Variants in BTAF1 observed in about 807,000 individuals in gnomAD.
BTAF1 encodes B-TFIID TATA-box binding protein associated factor 1, also known as TATA-binding protein-associated factor 172.
A neutral mutation model predicts 227.1 loss-of-function variants in BTAF1; 38 were observed. The observed-to-expected ratio is 0.17, with a 90% CI of 0.13 to 0.22. BTAF1 has a LOEUF of 0.22. Ranked by LOEUF, BTAF1 falls within the 10% of genes least tolerant of loss-of-function variation. The pLI, the probability that BTAF1 is intolerant of heterozygous loss-of-function variation, is 1.00. For missense variants in BTAF1, 1,598 were observed against 2,204.0 expected, an observed-to-expected ratio of 0.73 and a Z score of 5.51; for synonymous variants, 742 against 751.9, an observed-to-expected ratio of 0.99 and a Z score of 0.21.
intron 20 of BTAF1, among the ~76,000 whole-genome samples, chr10:91,990,023 G>A (rs1420796627): frequency 6.6e-6 from 1 of 152,200 alleles, no homozygotes; most frequent in Non-Finnish European, 1.5e-5. Flanking sequence ...TGTTTTATGA[G>A]ATTAGTGAAC....
chr10:91,970,105 A>G (rs1462017356), intron 14 of BTAF1, among the ~76,000 whole-genome samples: 2 of 142,996 alleles, frequency 1.4e-5, no homozygotes. Context: ...TTTCCTTTTG[A>G]ATTTGCCCTT....
At chr10:92,011,241 G>C in intron 29 of BTAF1, 45 bp from the exon 30 acceptor site, 1 of 1,500,890 alleles carries the variant, frequency 6.7e-7, no homozygotes. Flanking sequence ...TATAGTTCCT[G>C]ACATACAGCA....
chr10:92,026,341 AC>A (rs1473127562), intron 35 of BTAF1, among the ~76,000 whole-genome samples: 1 of 152,160 alleles, frequency 6.6e-6, no homozygotes. Flanking sequence ...GTTAGTCCTT[AC>A]CTGATGTTAC....
In BTAF1 at chr10:91,957,182, A is replaced by G. The variant is rs761661320; in HGVS notation, c.832-43A>G. ...AAGTTACTTAAATTGTTAGCATAAA[A>G]TAGACCTTTTGAACTAGTAGTAATT... On this transcript the variant is annotated intron_variant, in intron 7 of 37. Coordinates refer to ENST00000265990, the MANE Select transcript of BTAF1 (RefSeq NM_003972.3). 6.7e-6 allele frequency: 10 copies of G among 1,492,820 alleles called. No individual in the cohort carries two copies. In the Admixed American group the frequency reaches 1.3e-4, roughly 20 times the overall value. 92.5% of individuals were successfully genotyped at this position (1,492,820 alleles called of 1,614,324 possible). A position where few individuals can be genotyped will look rare whatever the true frequency, so the allele number is the denominator to read the frequency against.
chr10:91,933,595 C>T (rs561489134), intron 1 of BTAF1, among the ~76,000 whole-genome samples: 6 of 152,020 alleles, frequency 3.9e-5, no homozygotes, highest in Non-Finnish European at 7.4e-5. Context: ...GCTTGCTGGT[C>T]GCAGCTGTCA....
At chr10:91,998,473 G>A (rs1052312401) in intron 25 of BTAF1, among the ~76,000 whole-genome samples, 2 of 152,090 alleles carry the variant, frequency 1.3e-5, no homozygotes, top group African/African-American at 4.8e-5. Flanking sequence ...GGTCTCTGTG[G>A]GAGTATGAAA....
rs191414009 is a variant in BTAF1, at chr10:91,993,873, G to A, written c.3199+26G>A. ...GTATACACATATTTTTATGAGTCCAGTTTTTAACAAATTTTAATGTCTATT... is the reference window on the plus strand; with the variant it reads ...GTATACACATATTTTTATGAGTCCAATTTTTAACAAATTTTAATGTCTATT... On this transcript the variant is annotated intron_variant, in intron 22 of 37. Coordinates refer to ENST00000265990, the MANE Select transcript of BTAF1 (RefSeq NM_003972.3). 8.9e-4 allele frequency: 1,362 copies of A among 1,523,096 alleles called. 12 individuals carry two copies. The African/African-American group carries it at 0.016, about 18-fold the overall frequency. 94.3% of individuals were successfully genotyped at this position (1,523,096 alleles called of 1,614,324 possible). A position where few individuals can be genotyped will look rare whatever the true frequency, so the allele number is the denominator to read the frequency against.
rs148602295 is a variant in BTAF1, at chr10:91,983,045, G to A, written c.2223+284G>A. ...TTAAGAAATATCCCTATTAAAAACCGCGTATATGTGAAAGTAGTCCAGAAA... is the reference window on the plus strand; with the variant it reads ...TTAAGAAATATCCCTATTAAAAACCACGTATATGTGAAAGTAGTCCAGAAA... On this transcript the variant is annotated intron_variant, in intron 18 of 37. Coordinates refer to ENST00000265990, the MANE Select transcript of BTAF1 (RefSeq NM_003972.3). Among the ~76,000 whole-genome samples the A allele has an allele frequency of 7.3e-3, 1,115 of 152,170 alleles. 14 individuals are homozygous for A. Among genetic ancestry groups the A allele is most frequent in the African/African-American group, 0.025 (1,034 of 41,508 alleles).
chr10:91,958,644 G>T (rs202004343), intron 8 of BTAF1, among the ~76,000 whole-genome samples: 1 of 151,978 alleles, frequency 6.6e-6, no homozygotes, highest in Admixed American at 6.5e-5. Flanking sequence ...CGGAGGTTGC[G>T]GTGAGCCAAG....
intron 4 of BTAF1, among the ~76,000 whole-genome samples, 193 bp from the exon 5 acceptor site, chr10:91,951,210 T>A (rs1845745054): frequency 6.6e-6 from 1 of 152,188 alleles, no homozygotes; most frequent in South Asian, 2.1e-4. Context: ...CCCAGAATGT[T>A]TTGTTAACTA....
At chr10:91,942,161 G>T (rs1845047657) in intron 3 of BTAF1, among the ~76,000 whole-genome samples, 1 of 152,090 alleles carries the variant, frequency 6.6e-6, no homozygotes, top group Admixed American at 6.5e-5. Flanking sequence ...GTGTGCACCT[G>T]TAGTCCTAGC....
rs1480511049 is a variant in BTAF1 at position 92,029,686 on chromosome 10, A to G, written c.*753A>G. ...TACTCAATAGGTTTCAATCATATAT[A>G]TAATATATTTTTTGTAACTATGAAC... On this transcript the variant is annotated 3_prime_UTR_variant, in exon 38 of 38. Transcript: ENST00000265990. 5.9e-5 allele frequency: 9 copies of G among 151,964 alleles called. No homozygotes were observed. Among genetic ancestry groups the G allele is most frequent in the Non-Finnish European group, 1.3e-4 (9 of 67,916 alleles). 9.4% of individuals were successfully genotyped at this position (151,964 alleles called of 1,614,324 possible). A position where few individuals can be genotyped will look rare whatever the true frequency, so the allele number is the denominator to read the frequency against.
chr10:91,930,074 A>T (rs1844170919), intron 1 of BTAF1, among the ~76,000 whole-genome samples: 3 of 152,194 alleles, frequency 2.0e-5, no homozygotes. Context: ...AAAATTTTTT[A>T]ATTGTGACAC....
At chr10:91,965,463 C>A (rs867451067) in intron 13 of BTAF1, among the ~76,000 whole-genome samples, 1 of 151,714 alleles carries the variant, frequency 6.6e-6, no homozygotes, top group Admixed American at 6.6e-5. Context: ...AAAACTTCTA[C>A]TTAAAAAAAA....
intron 23 of BTAF1, among the ~76,000 whole-genome samples, chr10:91,994,854 A>G (rs761599556): frequency 6.6e-6 from 1 of 152,148 alleles, no homozygotes; most frequent in Non-Finnish European, 1.5e-5. Context: ...AGAAAACCCA[A>G]CCTGGAAGCT....
chr10:91,966,549 T>A lies in BTAF1; in HGVS notation c.1530-88T>A, dbSNP rs1200012677. 3 of 1,394,826 alleles carry A rather than the reference T, an allele frequency of 2.2e-6. No individual in the cohort carries two copies. The African/African-American group carries it at 4.3e-5, about 20-fold the overall frequency. 86.4% of individuals were successfully genotyped at this position (1,394,826 alleles called of 1,614,324 possible). ...TCAAAAAAGTCACATGGTGTCAGCA[T>A]CACTAGATCCCATGAGAATATTTAG... On this transcript the variant is annotated intron_variant, in intron 13 of 37. Coordinates refer to ENST00000265990, the MANE Select transcript of BTAF1 (RefSeq NM_003972.3).
Position 92,006,054 on chromosome 10 carries a change from T to C in BTAF1, c.3661-2069T>C, listed in dbSNP as rs117328800. On this transcript the variant is annotated intron_variant, in intron 25 of 37. Transcript: ENST00000265990. ...ACACCTGGCTATTTTTTAAAATTTT[T>C]TGTAGAGATGGGGTCTTGCTATGTT... 3.7e-3 allele frequency among the ~76,000 whole-genome samples: 566 copies of C among 152,192 alleles called. 2 individuals are homozygous for C. The highest frequency in any genetic ancestry group is 4.7e-3 in the Non-Finnish European group (323 of 68,004).
At position 92,029,168 on chromosome 10, in the gene BTAF1, G is replaced by A. The variant is rs888086035; in HGVS notation, c.*235G>A. 5.5e-5 allele frequency: 20 copies of A among 366,548 alleles called. No individual in the cohort carries two copies. The Middle Eastern group carries it at 3.1e-3, about 57-fold the overall frequency. The allele number at this position is 366,548 out of a possible 1,614,324, so 22.7% of individuals were successfully genotyped here. A position where few individuals can be genotyped will look rare whatever the true frequency, so the allele number is the denominator to read the frequency against. ...TTTAAATTTTACATGCTGAAAAGCT[G>A]CAGAGCAGAGGAACCAAACCAGGTT... is the stretch of plus-strand genomic sequence containing the variant. On this transcript the variant is annotated 3_prime_UTR_variant, in exon 38 of 38. Coordinates refer to ENST00000265990, the MANE Select transcript of BTAF1 (RefSeq NM_003972.3).
rs1293359436 is a variant in BTAF1 at position 91,924,017 on chromosome 10, T to C, written c.-60T>C. The C allele has an allele frequency of 1.3e-6, 2 of 1,583,666 alleles. No individual in the cohort carries two copies. Among genetic ancestry groups the C allele is most frequent in the Non-Finnish European group, 1.7e-6 (2 of 1,168,186 alleles). Reference sequence around the variant, plus strand: ...CTGCGCCGCTCAGCTCTCTGGAAACTAGCGCCTCAGCTGCGCGGCGCGTAG... The same window carrying C: ...CTGCGCCGCTCAGCTCTCTGGAAACCAGCGCCTCAGCTGCGCGGCGCGTAG... On this transcript the variant is annotated 5_prime_UTR_variant, in exon 1 of 38. Coordinates refer to ENST00000265990, the MANE Select transcript of BTAF1 (RefSeq NM_003972.3).
Sources: allele counts gnomAD v4.1 joint callset (sites outside exome capture counted in the v4.1 genomes callset), GRCh38; gene constraint gnomAD v4.1.1; transcripts MANE v1.5; gene names NCBI Gene and HGNC (gene_info 2026-07-23, HGNC 2026-07-21).